Variants in NDUFA5 observed in about 807,000 individuals in gnomAD.
NDUFA5 encodes NADH dehydrogenase [ubiquinone] 1 alpha subcomplex subunit 5.
A neutral mutation model predicts 19.8 loss-of-function variants in NDUFA5; 11 were observed. The observed-to-expected ratio is 0.56, with a 90% CI of 0.35 to 0.92. The LOEUF (loss-of-function observed/expected upper bound fraction) is 0.92, where lower values mean the gene tolerates loss of function less well. NDUFA5 is among the 40% of genes least tolerant of loss of function. The pLI, the probability that NDUFA5 is intolerant of heterozygous loss-of-function variation, is 0.01. For synonymous variants in NDUFA5, 47 were observed against 46.8 expected (o/e 1.00, Z -0.01); for missense variants, 109 against 134.2 (o/e 0.81, Z 0.93).
chr7:123,550,677 T>A, intron 2 of NDUFA5, 91 bp from the exon 3 acceptor site: 30 of 653,470 alleles, frequency 4.6e-5, no homozygotes, highest in Non-Finnish European at 7.2e-5. Flanking sequence ...CAAACAAAAC[T>A]CACATCTGTT....
the NDUFA5 span, among the ~76,000 whole-genome samples, chr7:123,583,005 C>T: frequency 3.9e-5 from 6 of 151,900 alleles, no homozygotes; most frequent in Admixed American, 2.0e-4. Context: ...ATTTTTATAG[C>T]AGGCAAAGAG....
At position 123,547,050 on chromosome 7, in the gene NDUFA5, G is replaced by T. The variant is rs1006449995; in HGVS notation, c.184-1374C>A. ...TAATGTAACCACAAAGGCAGAAATTGCAGTGATGAGACCACAAGCCAATAA... is the reference window on the plus strand; with the variant it reads ...TAATGTAACCACAAAGGCAGAAATTTCAGTGATGAGACCACAAGCCAATAA... On this transcript the variant is annotated intron_variant, in intron 3 of 4. Transcript: ENST00000355749. Among the ~76,000 whole-genome samples, 6 of 152,218 alleles carry T rather than the reference G, an allele frequency of 3.9e-5. No individual in the cohort carries two copies. In the South Asian group the frequency reaches 8.3e-4, roughly 21 times the overall value.
At chr7:123,563,063 T>C in the NDUFA5 span, among the ~76,000 whole-genome samples, 17 of 152,114 alleles carry the variant, frequency 1.1e-4, no homozygotes, top group African/African-American at 3.9e-4. Flanking sequence ...GGTCTCTGAA[T>C]GTGCTGGGGT....
upstream of NDUFA5, among the ~76,000 whole-genome samples, chr7:123,561,415 A>G (rs533166517): frequency 5.3e-5 from 8 of 152,364 alleles, no homozygotes; most frequent in African/African-American, 1.7e-4. Context: ...ATCAAGTTTT[A>G]TCATGAGATT....
At chr7:123,563,580 A>T in the NDUFA5 span, among the ~76,000 whole-genome samples, 1 of 152,234 alleles carries the variant, frequency 6.6e-6, no homozygotes, top group African/African-American at 2.4e-5. Flanking sequence ...AGTTACCAAA[A>T]CGTGACACAG....
At chr7:123,588,296 T>A in the NDUFA5 span, among the ~76,000 whole-genome samples, 1 of 151,820 alleles carries the variant, frequency 6.6e-6, no homozygotes, top group Admixed American at 6.6e-5. Flanking sequence ...TTCTTCTAGG[T>A]TATACAGTTT....
chr7:123,598,616 C>T, the NDUFA5 span, among the ~76,000 whole-genome samples: 1 of 152,290 alleles, frequency 6.6e-6, no homozygotes, highest in African/African-American at 2.4e-5. Context: ...TTGAACAAGT[C>T]ATCAGTGTTC....
At chr7:123,560,268 A>G (rs150122424), upstream of NDUFA5, among the ~76,000 whole-genome samples, 99 of 152,346 alleles carry the variant, frequency 6.5e-4, no homozygotes, top group African/African-American at 2.3e-3. Context: ...GATCATTCAC[A>G]AGACAAATAT....
chr7:123,553,229 A>C (rs1311268372), intron 2 of NDUFA5, among the ~76,000 whole-genome samples: 3 of 152,242 alleles, frequency 2.0e-5, no homozygotes, highest in African/African-American at 7.2e-5. Flanking sequence ...TGATTTATAA[A>C]GGAAAAGAAG....
the NDUFA5 span, among the ~76,000 whole-genome samples, chr7:123,574,673 T>A: frequency 6.6e-6 from 1 of 152,090 alleles, no homozygotes; most frequent in Non-Finnish European, 1.5e-5. Context: ...ACTTGCCAAT[T>A]CCATTTCTCC....
At chr7:123,557,381 G>A in intron 2 of NDUFA5, 23 bp downstream of exon 2, 3 of 1,613,670 alleles carry the variant, frequency 1.9e-6, no homozygotes, top group South Asian at 1.1e-5. Flanking sequence ...ATTCAAGAAC[G>A]AAGAAAGAAC....
chr7:123,595,489 C>A, the NDUFA5 span, among the ~76,000 whole-genome samples: 1 of 152,222 alleles, frequency 6.6e-6, no homozygotes, highest in African/African-American at 2.4e-5. Flanking sequence ...CTGAAGGAAG[C>A]CTCCCCACTT....
At chr7:123,549,834 C>T (rs1295823690) in intron 3 of NDUFA5, among the ~76,000 whole-genome samples, 3 of 152,060 alleles carry the variant, frequency 2.0e-5, no homozygotes, top group Non-Finnish European at 2.9e-5. Context: ...GCATACCTAA[C>T]GAAAGATAGG....
chr7:123,585,471 T>TA, the NDUFA5 span, among the ~76,000 whole-genome samples: 1 of 151,860 alleles, frequency 6.6e-6, no homozygotes, highest in Non-Finnish European at 1.5e-5. Context: ...ATTTCTTACT[T>TA]ACGTTTATGC....
upstream of NDUFA5, among the ~76,000 whole-genome samples, chr7:123,561,542 A>G (rs1320055889): frequency 6.6e-6 from 1 of 151,832 alleles, no homozygotes; most frequent in Non-Finnish European, 1.5e-5. Flanking sequence ...CATCCATGTG[A>G]GTTGGAATCA....
intron 2 of NDUFA5, among the ~76,000 whole-genome samples, chr7:123,552,359 C>A (rs142622160): frequency 0.025 from 3,787 of 151,956 alleles, 75 homozygotes; most frequent in Middle Eastern, 0.058. Context: ...AGCTGGAAAC[C>A]ATCATTCTCA....
the NDUFA5 span, among the ~76,000 whole-genome samples, chr7:123,581,216 A>G: frequency 6.6e-6 from 1 of 151,910 alleles, no homozygotes; most frequent in African/African-American, 2.4e-5. Flanking sequence ...CATGATACTT[A>G]CTAGATAGTA....
At chr7:123,546,597 C>T (rs771957094) in intron 3 of NDUFA5, 66 of 1,107,998 alleles carry the variant, frequency 6.0e-5, no homozygotes, top group Non-Finnish European at 7.5e-5. Context: ...GTAAATAAGG[C>T]TTTGTCTTTT....
chr7:123,582,870 CA>C, the NDUFA5 span, among the ~76,000 whole-genome samples: 1 of 151,906 alleles, frequency 6.6e-6, no homozygotes. Context: ...TAAATGAATG[CA>C]GTATTATTCA....
Sources: gnomAD v4.1 joint callset for allele counts (sites outside exome capture counted in the v4.1 genomes callset) on GRCh38, gnomAD v4.1.1 for gene constraint, MANE v1.5 for transcripts, NCBI Gene and HGNC (gene_info 2026-07-23, HGNC 2026-07-21) for gene names.